The following ANXA2 variants were observed in gnomAD, a reference collection of about 807,000 sequenced individuals.
ANXA2 encodes annexin A2.
ANXA2 carries 28 observed loss-of-function variants against 47.3 expected under a neutral mutation model. The observed-to-expected ratio is 0.59, with a 90% CI of 0.44 to 0.81. ANXA2 has a LOEUF of 0.81. Ranked by LOEUF, ANXA2 falls within the 40% of genes least tolerant of loss-of-function variation. The pLI is 0.00. For missense variants in ANXA2, 384 were observed against 414.3 expected, an observed-to-expected ratio of 0.93 and a Z score of 0.64; for synonymous variants, 172 against 155.5, an observed-to-expected ratio of 1.11 and a Z score of -0.79.
intron 3 of ANXA2, among the ~76,000 whole-genome samples, chr15:60,378,783 T>C (rs1346713261): frequency 6.6e-6 from 1 of 152,142 alleles, no homozygotes; most frequent in South Asian, 2.1e-4. Flanking sequence ...CTGGCCAAGA[T>C]GGCAAAACCC....
chr15:60,372,194 T>C (rs1318314976), intron 3 of ANXA2, among the ~76,000 whole-genome samples: 4 of 152,168 alleles, frequency 2.6e-5, no homozygotes, highest in Non-Finnish European at 5.9e-5. Flanking sequence ...GAGTACCTAC[T>C]ATGTTACAGG....
chr15:60,349,139 T>C lies in ANXA2; in HGVS notation c.896A>G (p.Asp299Gly). 6.2e-7 allele frequency: 1 copy of C among 1,614,016 alleles called. No homozygotes were observed. Among genetic ancestry groups the C allele is most frequent in the South Asian group, 1.1e-5 (1 of 91,072 alleles). ...IRIMVSRSEV[D>G]MLKIRSEFKR... is the part of the protein sequence containing the mutation. ...GAATTCAGACCTAATTTTCAACATG[T>C]CCACTTCACTGCGGGAGACCATGAT... Residue 299 changes from aspartate (D) to glycine (G), a missense_variant, in exon 12 of 13, where the codon GAC becomes GGC. By Grantham distance (94) the Asp-to-Gly change is moderately conservative (BLOSUM62 -1). Coordinates refer to ENST00000451270, the MANE Select transcript of ANXA2 (RefSeq NM_004039.3).
At chr15:60,377,076 C>T (rs954859313) in intron 3 of ANXA2, among the ~76,000 whole-genome samples, 1 of 152,186 alleles carries the variant, frequency 6.6e-6, no homozygotes, top group Non-Finnish European at 1.5e-5. Flanking sequence ...CCTTTGATGT[C>T]AAGGAAACAC....
chr15:60,372,787 G>A (rs1395052226), intron 3 of ANXA2, among the ~76,000 whole-genome samples: 1 of 150,460 alleles, frequency 6.6e-6, no homozygotes, highest in African/African-American at 2.5e-5. Flanking sequence ...TCGACCTCCT[G>A]GGCCCAAATG....
intron 7 of ANXA2, among the ~76,000 whole-genome samples, chr15:60,354,931 T>C (rs2062405123): frequency 6.6e-6 from 1 of 152,072 alleles, no homozygotes; most frequent in African/African-American, 2.4e-5. Context: ...GAGGAAGAAC[T>C]CTCAGAGGGC....
rs1395178152 is a variant in ANXA2, at chr15:60,367,055, G to A, written c.149-2532C>T. On this transcript the variant is annotated intron_variant, in intron 3 of 12. Coordinates refer to ENST00000451270, the MANE Select transcript of ANXA2 (RefSeq NM_004039.3). Reference sequence around the variant, plus strand: ...AGCCCCCCGCCCGGCCAGCCGCCCCGTCCGGGAGGGGGGAGGGGGGATCAG... The same window carrying A: ...AGCCCCCCGCCCGGCCAGCCGCCCCATCCGGGAGGGGGGAGGGGGGATCAG... Among the ~76,000 whole-genome samples, 10 of 59,152 alleles carry A rather than the reference G, an allele frequency of 1.7e-4. 1 individual carries two copies. Among genetic ancestry groups the A allele is most frequent in the African/African-American group, 8.0e-4 (10 of 12,552 alleles). 38.8% of individuals were successfully genotyped at this position (59,152 alleles called of 152,430 possible).
intron 3 of ANXA2, among the ~76,000 whole-genome samples, chr15:60,378,530 T>C (rs1354146522): frequency 1.3e-5 from 2 of 152,226 alleles, no homozygotes; most frequent in African/African-American, 2.4e-5. Context: ...ATATTAGCAC[T>C]GAGCTCTTAC....
intron 3 of ANXA2, among the ~76,000 whole-genome samples, chr15:60,365,538 A>G (rs578204453): frequency 1.3e-5 from 2 of 152,350 alleles, no homozygotes; most frequent in South Asian, 4.1e-4. Flanking sequence ...CTTGGCCTGA[A>G]GAAAATCAGA....
At chr15:60,378,649 T>C (rs1018720343) in intron 3 of ANXA2, among the ~76,000 whole-genome samples, 1 of 152,186 alleles carries the variant, frequency 6.6e-6, no homozygotes, top group South Asian at 2.1e-4. Flanking sequence ...AAAACCTACT[T>C]ACTCTCTAAA....
intron 1 of ANXA2, among the ~76,000 whole-genome samples, chr15:60,394,310 C>T (rs1304181751): frequency 1.3e-5 from 2 of 152,162 alleles, no homozygotes; most frequent in Non-Finnish European, 2.9e-5. Context: ...AACACAGTCA[C>T]TCCCTAGAAT....
chr15:60,387,964 C>G (rs28810711), intron 1 of ANXA2, among the ~76,000 whole-genome samples: 1 of 152,022 alleles, frequency 6.6e-6, no homozygotes, highest in African/African-American at 2.4e-5. Context: ...CCGAGGCAGG[C>G]AGATCACGAG....
Position 60,384,709 on chromosome 15 carries a change from A to G in ANXA2, c.48+1319T>C, listed in dbSNP as rs958522657. On this transcript the variant is annotated intron_variant, in intron 2 of 12. Transcript: ENST00000451270. ...AGAAAAAAGATTTTAAAAAAACTCT[A>G]TAGGCTTTATACTCCATACAACCTG... is the stretch of plus-strand genomic sequence containing the variant. 6 of 152,368 alleles carry G rather than the reference A, an allele frequency of 3.9e-5. No individual in the cohort carries two copies. In the East Asian group the frequency reaches 1.2e-3, roughly 29 times the overall value. 9.4% of individuals were successfully genotyped at this position (152,368 alleles called of 1,614,324 possible). A position where few individuals can be genotyped will look rare whatever the true frequency, so the allele number is the denominator to read the frequency against.
chr15:60,392,052 A>C (rs2063018868), intron 1 of ANXA2, among the ~76,000 whole-genome samples: 1 of 152,130 alleles, frequency 6.6e-6, no homozygotes, highest in South Asian at 2.1e-4. Context: ...TAAGGAAATA[A>C]ACTAGAGGTA....
intron 9 of ANXA2, 63 bp from the exon 10 acceptor site, chr15:60,351,882 C>G (rs2062354062): frequency 3.5e-6 from 4 of 1,131,942 alleles, no homozygotes; most frequent in Non-Finnish European, 5.4e-6. Flanking sequence ...CAACGATCAC[C>G]CACCTAGTTT....
At chr15:60,387,487 T>C (rs898461169) in intron 1 of ANXA2, among the ~76,000 whole-genome samples, 2 of 152,150 alleles carry the variant, frequency 1.3e-5, no homozygotes, top group African/African-American at 4.8e-5. Context: ...CATCAAGCCA[T>C]GAAAAGACAC....
At chr15:60,390,015 A>C (rs2062986709) in intron 1 of ANXA2, among the ~76,000 whole-genome samples, 1 of 152,248 alleles carries the variant, frequency 6.6e-6, no homozygotes, top group Non-Finnish European at 1.5e-5. Flanking sequence ...AGCAGTAGAA[A>C]GTATATGGTT....
chr15:60,397,237 C>G (rs1267224085), intron 1 of ANXA2: 1 of 977,088 alleles, frequency 1.0e-6, no homozygotes, highest in Admixed American at 6.1e-5. Context: ...ACCCTCCCCA[C>G]AGAATCATGG....
chr15:60,357,770 G>T (rs1349887508), intron 5 of ANXA2, among the ~76,000 whole-genome samples: 1 of 151,124 alleles, frequency 6.6e-6, no homozygotes, highest in East Asian at 1.9e-4. Flanking sequence ...CTCCAGCCTG[G>T]ACGACAGAGT....
At chr15:60,386,564 C>A (rs2062936296) in intron 1 of ANXA2, 1 of 153,256 alleles carries the variant, frequency 6.5e-6, no homozygotes, top group Non-Finnish European at 1.5e-5. Context: ...TAATTGGAAT[C>A]TTTATTATTA....
Sources: gnomAD v4.1 joint callset for allele counts (sites outside exome capture counted in the v4.1 genomes callset) on GRCh38, gnomAD v4.1.1 for gene constraint, MANE v1.5 for transcripts, NCBI Gene and HGNC (gene_info 2026-07-23, HGNC 2026-07-21) for gene names.